Variants in ACER3 observed in about 807,000 individuals in gnomAD.
ACER3 encodes the protein alkaline ceramidase 3, also known as alkCDase 3.
A neutral mutation model predicts 48.9 loss-of-function variants in ACER3; 16 were observed. The observed-to-expected ratio is 0.33, with a 90% CI of 0.22 to 0.50. The LOEUF (loss-of-function observed/expected upper bound fraction) is 0.50, where lower values mean the gene tolerates loss of function less well. ACER3 is among the 20% of genes least tolerant of loss of function. The probability of loss-of-function intolerance (pLI) is 0.98; values close to 1 mark genes in which losing one functional copy is unlikely to be tolerated. For synonymous variants in ACER3, 109 were observed against 107.8 expected (o/e 1.01, Z -0.07); for missense variants, 227 against 326.0 (o/e 0.70, Z 2.34).
At chr11:76,963,640 A>G (rs1948058545) in intron 3 of ACER3, among the ~76,000 whole-genome samples, 1 of 151,388 alleles carries the variant, frequency 6.6e-6, no homozygotes, top group Non-Finnish European at 1.5e-5. Flanking sequence ...CCTGTTTTTC[A>G]GGATCTTACC....
chr11:77,006,641 T>G (rs1949156044), intron 7 of ACER3, among the ~76,000 whole-genome samples: 1 of 152,086 alleles, frequency 6.6e-6, no homozygotes, highest in Admixed American at 6.5e-5. Flanking sequence ...TTTTCAGAAT[T>G]TGAAAAATGT....
intron 1 of ACER3, among the ~76,000 whole-genome samples, chr11:76,913,141 G>A (rs1328772438): frequency 1.3e-5 from 2 of 152,034 alleles, no homozygotes; most frequent in East Asian, 1.9e-4. Context: ...ATTGTGAATG[G>A]GAATTCACTC....
At chr11:76,923,581 A>G (rs761753855) in intron 1 of ACER3, among the ~76,000 whole-genome samples, 1 of 152,144 alleles carries the variant, frequency 6.6e-6, no homozygotes, top group Non-Finnish European at 1.5e-5. Context: ...GGTGCTGAAT[A>G]ACTTTTGTAT....
At chr11:77,001,499 G>C (rs1193041143) in intron 7 of ACER3, among the ~76,000 whole-genome samples, 1 of 152,092 alleles carries the variant, frequency 6.6e-6, no homozygotes, top group African/African-American at 2.4e-5. Context: ...CATGTGATCT[G>C]CCTGTCTCGG....
At chr11:76,939,601 A>T (rs73489576) in intron 2 of ACER3, among the ~76,000 whole-genome samples, 16,368 of 152,182 alleles carry the variant, frequency 0.11, 2,912 homozygotes, top group African/African-American at 0.37. Flanking sequence ...ATCTCTAAAA[A>T]CAAACAAACA....
intron 1 of ACER3, among the ~76,000 whole-genome samples, chr11:76,916,643 G>A (rs937331059): frequency 1.3e-5 from 2 of 152,192 alleles, no homozygotes; most frequent in African/African-American, 4.8e-5. Flanking sequence ...TAAAAGTGGA[G>A]AGGAAGAAGG....
chr11:76,888,179 A>G (rs1945718855), intron 1 of ACER3, among the ~76,000 whole-genome samples: 1 of 152,188 alleles, frequency 6.6e-6, no homozygotes, highest in Admixed American at 6.5e-5. Context: ...AGCTATATTC[A>G]TGAATTGCTC....
At chr11:76,870,089 T>G (rs1471971484) in intron 1 of ACER3, among the ~76,000 whole-genome samples, 1 of 152,012 alleles carries the variant, frequency 6.6e-6, no homozygotes, top group Non-Finnish European at 1.5e-5. Flanking sequence ...CTCAACCTCC[T>G]GGGCTCAAGT....
intron 1 of ACER3, among the ~76,000 whole-genome samples, chr11:76,865,511 A>AT (rs112234258): frequency 0.035 from 4,940 of 142,040 alleles, 244 homozygotes; most frequent in African/African-American, 0.12. Flanking sequence ...CTCAGATTGC[A>AT]TTTTTTTTTT....
chr11:76,934,730 AAG>A (rs1262036239), intron 2 of ACER3, among the ~76,000 whole-genome samples: 12 of 130,408 alleles, frequency 9.2e-5, no homozygotes, highest in Non-Finnish European at 1.5e-4. Flanking sequence ...AGACCGTGGA[AAG>A]AGAGGGAGAG....
At chr11:76,948,119 T>A (rs1947522441) in intron 2 of ACER3, among the ~76,000 whole-genome samples, 1 of 152,170 alleles carries the variant, frequency 6.6e-6, no homozygotes, top group South Asian at 2.1e-4. Context: ...AACAAATTAT[T>A]TTCTAAGAAA....
intron 1 of ACER3, among the ~76,000 whole-genome samples, chr11:76,868,754 A>G (rs1945167987): frequency 6.6e-6 from 1 of 152,130 alleles, no homozygotes; most frequent in African/African-American, 2.4e-5. Flanking sequence ...TTTTTGTCCA[A>G]TCATATTTCA....
chr11:77,002,834 AAGCC>A (rs1421753242), intron 7 of ACER3, among the ~76,000 whole-genome samples: 1 of 152,224 alleles, frequency 6.6e-6, no homozygotes, highest in Non-Finnish European at 1.5e-5. Flanking sequence ...TAAGTGAAAT[AAGCC>A]AGTCACAAGA....
intron 6 of ACER3, among the ~76,000 whole-genome samples, chr11:76,996,429 ATTT>A (rs869191528): frequency 2.5e-4 from 29 of 118,166 alleles, no homozygotes; most frequent in African/African-American, 9.5e-4. Context: ...TATTATTATT[ATTT>A]TTTGAGACAG....
At chr11:76,948,482 T>C (rs774203359) in intron 2 of ACER3, among the ~76,000 whole-genome samples, 33 of 152,284 alleles carry the variant, frequency 2.2e-4, no homozygotes, top group Admixed American at 4.6e-4. Context: ...TCTAATATGA[T>C]AGTGCATTTT....
chr11:76,981,452 C>A (rs1948581067), intron 4 of ACER3, among the ~76,000 whole-genome samples: 1 of 152,176 alleles, frequency 6.6e-6, no homozygotes, highest in Non-Finnish European at 1.5e-5. Context: ...AATGTATACT[C>A]CTATTTACCC....
intron 1 of ACER3, among the ~76,000 whole-genome samples, chr11:76,892,968 C>T (rs373836419): frequency 6.6e-6 from 1 of 152,066 alleles, no homozygotes; most frequent in South Asian, 2.1e-4. Flanking sequence ...AGTAAAGTTG[C>T]AGGATATAAA....
chr11:76,979,115 G>C (rs1214559864), intron 4 of ACER3, among the ~76,000 whole-genome samples: 1 of 152,210 alleles, frequency 6.6e-6, no homozygotes, highest in African/African-American at 2.4e-5. Context: ...AACAAAACTT[G>C]GGCAAAGGTG....
intron 9 of ACER3, among the ~76,000 whole-genome samples, chr11:77,017,196 A>G (rs1949387670): frequency 6.6e-6 from 1 of 152,148 alleles, no homozygotes. Flanking sequence ...CTGTGAAACT[A>G]AGAGTTGGGG....
Sources: allele counts gnomAD v4.1 joint callset (sites outside exome capture counted in the v4.1 genomes callset), GRCh38; gene constraint gnomAD v4.1.1; transcripts MANE v1.5; gene names NCBI Gene and HGNC (gene_info 2026-07-23, HGNC 2026-07-21).